Variants in KRIT1 observed in about 807,000 individuals in gnomAD.
KRIT1 encodes krev interaction trapped protein 1.
KRIT1 carries 45 observed loss-of-function variants against 95.8 expected under a neutral mutation model. The ratio of observed to expected loss-of-function variants is 0.47; its 90% CI spans 0.37 to 0.60. The LOEUF is 0.60. KRIT1 is among the 20% of genes least tolerant of loss of function. The pLI is 0.00. For missense variants in KRIT1, 788 were observed against 877.5 expected, an observed-to-expected ratio of 0.90 and a Z score of 1.29; for synonymous variants, 282 against 278.8, an observed-to-expected ratio of 1.01 and a Z score of -0.11.
intron 10 of KRIT1, among the ~76,000 whole-genome samples, chr7:92,229,234 C>T (rs1796805168): frequency 6.6e-6 from 1 of 152,182 alleles, no homozygotes; most frequent in African/African-American, 2.4e-5. Flanking sequence ...CCTTTCTCTG[C>T]AACCTTGCCA....
chr7:92,225,395 C>T (rs576793848), intron 12 of KRIT1, among the ~76,000 whole-genome samples: 1 of 152,238 alleles, frequency 6.6e-6, no homozygotes, highest in African/African-American at 2.4e-5. Flanking sequence ...GCAACCTCCA[C>T]CTCCTGGGTT....
Position 92,220,998 on chromosome 7 carries a change from T to A in KRIT1, c.1563+904A>T, listed in dbSNP as rs775923011. Among the ~76,000 whole-genome samples, 41 of 152,152 alleles carry A rather than the reference T, an allele frequency of 2.7e-4. 1 individual carries two copies. The highest frequency in any genetic ancestry group is 2.1e-4 in the South Asian group (1 of 4,820). On this transcript the variant is annotated intron_variant, in intron 14 of 18. Transcript: ENST00000394505. Reference sequence around the variant, plus strand: ...CCACTGTGCCTGGTCCATTCATCCTTCTTATGGCATTATGTCACTTCTTCC... The same window carrying A: ...CCACTGTGCCTGGTCCATTCATCCTACTTATGGCATTATGTCACTTCTTCC...
In KRIT1 at chr7:92,235,579, G is replaced by A. The variant is rs534952866; in HGVS notation, c.553C>T (p.Arg185Trp). The A allele has an allele frequency of 1.4e-5, 23 of 1,613,566 alleles. No homozygotes were observed. The highest frequency in any genetic ancestry group is 3.3e-5 in the Admixed American group (2 of 60,006). Residue 185 changes from arginine (R) to tryptophan (W), a missense_variant, in exon 8 of 19, where the codon CGG becomes TGG. Coordinates refer to ENST00000394505, the MANE Select transcript of KRIT1 (RefSeq NM_194454.3). ...GGATTTATGACATTAGTTTTTATCC[G>A]CTCAAGAGGAGAAGGTCGGAATAAA... The part of the protein sequence containing the change: ...PALFRPSPLE[R>W]IKTNVINPAY...
chr7:92,237,559 T>C, intron 6 of KRIT1, 108 bp downstream of exon 6: 2 of 497,322 alleles, frequency 4.0e-6, no homozygotes, highest in Non-Finnish European at 3.6e-6. Flanking sequence ...AATATGTATT[T>C]TATAATATTA....
At chr7:92,237,614 T>A in intron 6 of KRIT1, 53 bp downstream of exon 6, 2 of 1,034,362 alleles carry the variant, frequency 1.9e-6, no homozygotes, top group Non-Finnish European at 3.0e-6. Flanking sequence ...TCAATAGACC[T>A]TTACTTAGCA....
At chr7:92,222,612 T>C (rs1156381888) in intron 13 of KRIT1, among the ~76,000 whole-genome samples, 1 of 152,196 alleles carries the variant, frequency 6.6e-6, no homozygotes. Context: ...TTTTTAATTA[T>C]TAAAAAATGC....
In KRIT1 at chr7:92,236,447, T is replaced by C. The variant is rs774330517; in HGVS notation, c.451A>G (p.Thr151Ala). Residue 151 changes from threonine (T) to alanine (A), a missense_variant, in exon 7 of 19, where the codon ACA becomes GCA. Thr to Ala is a moderately conservative substitution (Grantham distance 58). Coordinates refer to ENST00000394505, the MANE Select transcript of KRIT1 (RefSeq NM_194454.3). The part of the protein sequence containing the change: ...VCSESSTHFA[T>A]LTARMLIALD... Reference sequence around the variant, plus strand: ...GCTATTAACATCCTTGCTGTAAGTGTAGCAAAATGAGTACTGGATTCACTA... The same window carrying C: ...GCTATTAACATCCTTGCTGTAAGTGCAGCAAAATGAGTACTGGATTCACTA... 6 of 1,606,760 alleles carry C rather than the reference T, an allele frequency of 3.7e-6. No individual in the cohort carries two copies. Among genetic ancestry groups the C allele is most frequent in the East Asian group, 2.2e-5 (1 of 44,758 alleles).
chr7:92,215,504 C>T (rs963036095), intron 14 of KRIT1, among the ~76,000 whole-genome samples: 1 of 152,192 alleles, frequency 6.6e-6, no homozygotes, highest in Non-Finnish European at 1.5e-5. Context: ...GGGTCTTGCT[C>T]TGCCAGCCAG....
rs769941203 is a variant in KRIT1, at chr7:92,235,538, T to C, written c.594A>G (p.Glu198=). 8.7e-6 allele frequency: 14 copies of C among 1,613,830 alleles called. No homozygotes were observed. The African/African-American group carries it at 1.7e-4, about 20-fold the overall frequency. ...TNVINPAYAT[E]SGQTENSLHM... ...GTAGTGAGTTTTCTGTCTGACCTGA[T>C]TCAGTAGCATATGCAGGATTTATGA... The change falls in exon 8 of 19, where the codon GAA becomes GAG. Residue 198 remains glutamate, a synonymous_variant. Transcript: ENST00000394505.
chr7:92,218,720 G>A (rs915123174), intron 14 of KRIT1, among the ~76,000 whole-genome samples: 2 of 151,996 alleles, frequency 1.3e-5, no homozygotes, highest in Non-Finnish European at 2.9e-5. Flanking sequence ...TTGAGTTGTA[G>A]GAGTTCTTTA....
At chr7:92,210,203 T>C (rs1158541055) in intron 17 of KRIT1, among the ~76,000 whole-genome samples, 1 of 152,190 alleles carries the variant, frequency 6.6e-6, no homozygotes, top group African/African-American at 2.4e-5. Context: ...AAAATTCATT[T>C]GGAATAACAA....
At chr7:92,226,227 G>A (rs909434912) in intron 11 of KRIT1, among the ~76,000 whole-genome samples, 1 of 152,008 alleles carries the variant, frequency 6.6e-6, no homozygotes, top group Admixed American at 6.6e-5. Context: ...AAGACAGACT[G>A]TGGTGATATA....
intron 7 of KRIT1, 102 bp downstream of exon 7, chr7:92,236,306 ATTATT>A: frequency 1.3e-6 from 1 of 747,822 alleles, no homozygotes; most frequent in South Asian, 1.7e-5. Flanking sequence ...TAATACATAT[ATTATT>A]TTCATTATTT....
At chr7:92,231,956 T>C (rs1233836977) in intron 10 of KRIT1, among the ~76,000 whole-genome samples, 1 of 152,200 alleles carries the variant, frequency 6.6e-6, no homozygotes, top group Non-Finnish European at 1.5e-5. Context: ...TTTTGAGATG[T>C]AGTCTCACTC....
intron 17 of KRIT1, among the ~76,000 whole-genome samples, chr7:92,208,700 G>A (rs1792107772): frequency 6.6e-6 from 1 of 152,118 alleles, no homozygotes; most frequent in Non-Finnish European, 1.5e-5. Context: ...TCTCGGTAAT[G>A]AGGTTGAATC....
intron 17 of KRIT1, among the ~76,000 whole-genome samples, chr7:92,210,555 T>C (rs1280717956): frequency 1.3e-5 from 2 of 152,178 alleles, no homozygotes; most frequent in African/African-American, 2.4e-5. Context: ...AAAACCTAAA[T>C]GTAAGACCTG....
chr7:92,243,938 A>G (rs1295315728), intron 3 of KRIT1, 64 bp downstream of exon 3: 1 of 152,164 alleles, frequency 6.6e-6, no homozygotes, highest in African/African-American at 2.4e-5. Flanking sequence ...ATTCTTTATC[A>G]TTATATACTT....
At chr7:92,219,346 CT>C (rs1185266461) in intron 14 of KRIT1, among the ~76,000 whole-genome samples, 1 of 152,140 alleles carries the variant, frequency 6.6e-6, no homozygotes, top group African/African-American at 2.4e-5. Flanking sequence ...CAATTTCCTA[CT>C]TTTGCAATGT....
chr7:92,201,794 T>G (rs975243262), intron 17 of KRIT1, among the ~76,000 whole-genome samples: 4 of 152,166 alleles, frequency 2.6e-5, no homozygotes, highest in Non-Finnish European at 5.9e-5. Context: ...GTGTTTGGTT[T>G]TCTGTTCTTG....
Sources: allele counts gnomAD v4.1 joint callset (sites outside exome capture counted in the v4.1 genomes callset), GRCh38; gene constraint gnomAD v4.1.1; transcripts MANE v1.5; gene names NCBI Gene and HGNC (gene_info 2026-07-23, HGNC 2026-07-21).